The following SV2C variants were observed in gnomAD, a reference collection of about 807,000 sequenced individuals.
SV2C encodes solute carrier family 22 member B3.
SV2C carries 49 observed loss-of-function variants against 79.7 expected under a neutral mutation model. That is an observed-to-expected ratio of 0.61 (90% CI 0.49 to 0.78). The LOEUF (loss-of-function observed/expected upper bound fraction) is 0.78. Ranked by LOEUF, SV2C falls within the 30% of genes least tolerant of loss-of-function variation. The pLI is 0.00. For missense variants in SV2C, 833 were observed against 912.9 expected (o/e 0.91, Z 1.13); for synonymous variants, 334 against 333.2 (o/e 1.00, Z -0.03).
At chr5:76,049,034 GA>G in the SV2C span, among the ~76,000 whole-genome samples, 1 of 61,754 alleles carries the variant, frequency 1.6e-5, no homozygotes, top group African/African-American at 5.5e-5. Context: ...AAAAAGAAAA[GA>G]GGGAGGGAGG....
the SV2C span, among the ~76,000 whole-genome samples, chr5:76,034,573 C>T: frequency 2.0e-5 from 3 of 152,154 alleles, no homozygotes; most frequent in African/African-American, 7.2e-5. Context: ...GTATATTGAA[C>T]CAGCCTTGCA....
At chr5:76,316,123 A>G (rs180821028) in intron 12 of SV2C, among the ~76,000 whole-genome samples, 474 of 147,240 alleles carry the variant, frequency 3.2e-3, no homozygotes, top group Non-Finnish European at 5.3e-3. Flanking sequence ...AATATGAATG[A>G]AAAAAAAGCA....
the SV2C span, among the ~76,000 whole-genome samples, chr5:76,045,927 G>T: frequency 6.6e-6 from 1 of 152,212 alleles, no homozygotes; most frequent in South Asian, 2.1e-4. Flanking sequence ...GGGGTAAAAA[G>T]GAATTAATTC....
At chr5:75,911,450 C>T in the SV2C span, 2 of 958,442 alleles carry the variant, frequency 2.1e-6, no homozygotes, top group East Asian at 4.8e-5. Flanking sequence ...ACTCCAAACC[C>T]CAGGCCCTCC....
the SV2C span, among the ~76,000 whole-genome samples, chr5:75,984,481 A>G: frequency 6.6e-6 from 1 of 152,102 alleles, no homozygotes; most frequent in African/African-American, 2.4e-5. Flanking sequence ...TCAGAGAGGT[A>G]GTAATTTACC....
At chr5:76,085,604 A>C (rs1192410270) in intron 1 of SV2C, among the ~76,000 whole-genome samples, 1 of 152,130 alleles carries the variant, frequency 6.6e-6, no homozygotes, top group Non-Finnish European at 1.5e-5. Context: ...AGAGACACAG[A>C]TGCTAGTCAC....
the SV2C span, among the ~76,000 whole-genome samples, chr5:76,060,007 A>G: frequency 1.3e-5 from 2 of 152,142 alleles, no homozygotes; most frequent in Non-Finnish European, 2.9e-5. Context: ...GAGCAGTAAC[A>G]TTTTGAAAGA....
intron 1 of SV2C, among the ~76,000 whole-genome samples, chr5:76,114,833 A>T (rs1748213693): frequency 6.6e-6 from 1 of 152,242 alleles, no homozygotes; most frequent in African/African-American, 2.4e-5. Flanking sequence ...TCAAAATAGG[A>T]AATTGCCAGT....
chr5:76,045,354 C>T, the SV2C span, among the ~76,000 whole-genome samples: 1,635 of 152,270 alleles, frequency 0.011, 35 homozygotes, highest in African/African-American at 0.038. Flanking sequence ...CATGATGCCT[C>T]TAGCTTTGTT....
intron 4 of SV2C, among the ~76,000 whole-genome samples, chr5:76,236,583 G>A (rs202056052): frequency 1.6e-5 from 2 of 122,046 alleles, no homozygotes; most frequent in South Asian, 4.5e-4. Flanking sequence ...ATAAAATAAA[G>A]AGAGAGAGAG....
At chr5:75,993,732 A>G in the SV2C span, among the ~76,000 whole-genome samples, 1 of 152,014 alleles carries the variant, frequency 6.6e-6, no homozygotes, top group African/African-American at 2.4e-5. Flanking sequence ...GGTCCAAAAT[A>G]CCTACTGTCT....
the SV2C span, among the ~76,000 whole-genome samples, chr5:75,929,947 G>A: frequency 2.0e-5 from 3 of 152,146 alleles, no homozygotes; most frequent in African/African-American, 7.2e-5. Flanking sequence ...TGCTGTCAAA[G>A]TCCTATCTGT....
chr5:76,137,813 C>T (rs6863226), intron 2 of SV2C, among the ~76,000 whole-genome samples: 1,719 of 152,234 alleles, frequency 0.011, 30 homozygotes, highest in African/African-American at 0.039. Context: ...TCTACAGAGC[C>T]CTCTTTGAAG....
intron 1 of SV2C, among the ~76,000 whole-genome samples, chr5:76,123,498 A>T (rs182276565): frequency 6.6e-6 from 1 of 152,338 alleles, no homozygotes; most frequent in African/African-American, 2.4e-5. Context: ...GGCAAACCGA[A>T]TCCAGCAGCA....
intron 12 of SV2C, among the ~76,000 whole-genome samples, chr5:76,346,946 A>G (rs246803): frequency 0.53 from 80,720 of 152,084 alleles, 23,737 homozygotes; most frequent in African/African-American, 0.79. Context: ...TCCACCGTGC[A>G]TCTTTCTTAA....
chr5:76,206,026 T>A (rs942293607), intron 3 of SV2C, among the ~76,000 whole-genome samples: 8 of 152,216 alleles, frequency 5.3e-5, no homozygotes, highest in Admixed American at 6.5e-5. Flanking sequence ...TACATTTTTT[T>A]AATTTCTTCA....
chr5:76,077,278 C>T, the SV2C span, among the ~76,000 whole-genome samples: 32 of 152,006 alleles, frequency 2.1e-4, no homozygotes, highest in South Asian at 2.5e-3. Flanking sequence ...ATAACGGGAA[C>T]GAAATCAGTA....
chr5:76,304,783 A>G (rs1245055318), intron 12 of SV2C, among the ~76,000 whole-genome samples: 1 of 152,152 alleles, frequency 6.6e-6, no homozygotes, highest in Non-Finnish European at 1.5e-5. Context: ...CCTTAATCCC[A>G]TTCACCAGGG....
chr5:76,073,793 A>G, the SV2C span, among the ~76,000 whole-genome samples: 33 of 152,074 alleles, frequency 2.2e-4, no homozygotes, highest in African/African-American at 8.0e-4. Context: ...CACATTGGGT[A>G]CAATGCACAC....
Sources: allele counts gnomAD v4.1 joint callset (sites outside exome capture counted in the v4.1 genomes callset), GRCh38; gene constraint gnomAD v4.1.1; transcripts MANE v1.5; gene names NCBI Gene and HGNC (gene_info 2026-07-23, HGNC 2026-07-21).